Variants in CXCL13 observed in about 807,000 individuals in gnomAD.
CXCL13 encodes C-X-C motif chemokine 13.
A neutral mutation model predicts 12.2 loss-of-function variants in CXCL13; 7 were observed. The observed-to-expected ratio is 0.57, with a 90% CI of 0.33 to 1.07. The LOEUF (loss-of-function observed/expected upper bound fraction) is 1.07, where lower values mean the gene tolerates loss of function less well. CXCL13 is among the 50% of genes least tolerant of loss of function. CXCL13 has a pLI of 0.04. For missense variants in CXCL13, 113 were observed against 127.4 expected (o/e 0.89, Z 0.55); for synonymous variants, 47 against 42.4 (o/e 1.11, Z -0.42).
At chr4:77,585,082 C>A (rs1254204807) in intron 1 of CXCL13, among the ~76,000 whole-genome samples, 1 of 152,146 alleles carries the variant, frequency 6.6e-6, no homozygotes, top group Non-Finnish European at 1.5e-5. Flanking sequence ...TGAAGTAGAG[C>A]TCCAAATCAC....
intron 1 of CXCL13, among the ~76,000 whole-genome samples, chr4:77,514,103 A>G (rs1286720337): frequency 7.9e-5 from 12 of 151,580 alleles, no homozygotes; most frequent in African/African-American, 2.4e-4. Flanking sequence ...ATGATTTCCA[A>G]TTTCATCCAT....
chr4:77,531,255 C>T (rs1268604426), intron 1 of CXCL13, among the ~76,000 whole-genome samples: 3 of 142,858 alleles, frequency 2.1e-5, no homozygotes, highest in African/African-American at 7.7e-5. Context: ...GGTATATCTC[C>T]TAATGCTATC....
chr4:77,529,647 G>C (rs943617531), intron 1 of CXCL13, among the ~76,000 whole-genome samples: 1 of 152,198 alleles, frequency 6.6e-6, no homozygotes, highest in African/African-American at 2.4e-5. Flanking sequence ...CTTTGCTGAA[G>C]TTGCCTATCG....
chr4:77,577,112 A>G (rs2109822163), intron 1 of CXCL13, among the ~76,000 whole-genome samples: 1 of 152,280 alleles, frequency 6.6e-6, no homozygotes, highest in African/African-American at 2.4e-5. Context: ...TATCCTGCAA[A>G]TCTTGCCAGG....
intron 1 of CXCL13, among the ~76,000 whole-genome samples, chr4:77,584,043 T>C (rs948355421): frequency 1.3e-5 from 2 of 152,110 alleles, no homozygotes; most frequent in African/African-American, 4.8e-5. Flanking sequence ...GCCACTGAGA[T>C]TGTTCTCAAA....
intron 1 of CXCL13, among the ~76,000 whole-genome samples, chr4:77,598,447 C>A (rs1317713752): frequency 1.3e-5 from 2 of 152,274 alleles, no homozygotes; most frequent in African/African-American, 2.4e-5. Flanking sequence ...ATAGAACAAC[C>A]AGACTATGCT....
At chr4:77,605,543 CA>C (rs1726981944), upstream of CXCL13, among the ~76,000 whole-genome samples, 1 of 152,158 alleles carries the variant, frequency 6.6e-6, no homozygotes, top group African/African-American at 2.4e-5. Flanking sequence ...CTACTAAAGA[CA>C]GTGCTTTGGA....
intron 1 of CXCL13, among the ~76,000 whole-genome samples, chr4:77,569,482 A>T (rs1388033978): frequency 6.6e-6 from 1 of 152,152 alleles, no homozygotes; most frequent in Non-Finnish European, 1.5e-5. Context: ...CTGTCAAACC[A>T]AAAGCCAAAT....
chr4:77,523,640 T>C (rs1029391324), intron 1 of CXCL13, among the ~76,000 whole-genome samples: 1 of 152,224 alleles, frequency 6.6e-6, no homozygotes, highest in African/African-American at 2.4e-5. Context: ...TCAGCTTCCT[T>C]GTGATGGGTT....
intron 1 of CXCL13, among the ~76,000 whole-genome samples, chr4:77,560,181 C>G (rs1725772714): frequency 2.0e-5 from 3 of 152,082 alleles, no homozygotes; most frequent in African/African-American, 7.2e-5. Flanking sequence ...CATGAATGAT[C>G]TCATTTAATC....
intron 1 of CXCL13, among the ~76,000 whole-genome samples, chr4:77,513,972 C>T (rs935078852): frequency 9.9e-5 from 15 of 152,106 alleles, no homozygotes; most frequent in African/African-American, 3.6e-4. Context: ...CACCCCACAA[C>T]AGTCCCCAGA....
At chr4:77,599,045 G>A (rs189956873) in intron 1 of CXCL13, among the ~76,000 whole-genome samples, 23 of 152,134 alleles carry the variant, frequency 1.5e-4, no homozygotes, top group African/African-American at 5.1e-4. Context: ...CTGACCTCAG[G>A]TGATCCACCT....
At chr4:77,529,055 T>C (rs1190620885) in intron 1 of CXCL13, among the ~76,000 whole-genome samples, 1 of 152,226 alleles carries the variant, frequency 6.6e-6, no homozygotes, top group Non-Finnish European at 1.5e-5. Context: ...TCATTTCTTG[T>C]TTTTGTCAGG....
chr4:77,561,960 C>T (rs554776073), intron 1 of CXCL13, among the ~76,000 whole-genome samples: 2 of 152,242 alleles, frequency 1.3e-5, no homozygotes, highest in South Asian at 4.2e-4. Flanking sequence ...TGGGTGTGGG[C>T]TTGGTGGGCC....
intron 1 of CXCL13, among the ~76,000 whole-genome samples, chr4:77,533,313 T>C (rs1724977751): frequency 6.6e-6 from 1 of 152,218 alleles, no homozygotes; most frequent in South Asian, 2.1e-4. Flanking sequence ...AGACCCTGTT[T>C]GCCTGGGTAT....
At chr4:77,572,714 C>T (rs1341763118) in intron 1 of CXCL13, among the ~76,000 whole-genome samples, 3 of 152,008 alleles carry the variant, frequency 2.0e-5, no homozygotes, top group African/African-American at 7.3e-5. Flanking sequence ...TACCATTTGA[C>T]CCAGCAATTT....
chr4:77,534,860 T>A (rs1307571808), intron 1 of CXCL13, among the ~76,000 whole-genome samples: 2 of 152,216 alleles, frequency 1.3e-5, no homozygotes, highest in Non-Finnish European at 2.9e-5. Flanking sequence ...CTATACACAT[T>A]TGTGGAACCT....
intron 1 of CXCL13, among the ~76,000 whole-genome samples, chr4:77,543,820 C>T (rs113841788): frequency 6.6e-6 from 1 of 152,024 alleles, no homozygotes; most frequent in Non-Finnish European, 1.5e-5. Flanking sequence ...CATATGTATA[C>T]ATGTGCCATG....
intron 1 of CXCL13, among the ~76,000 whole-genome samples, chr4:77,569,611 C>G (rs1408109135): frequency 6.6e-6 from 1 of 152,152 alleles, no homozygotes; most frequent in African/African-American, 2.4e-5. Context: ...AGATACTGCT[C>G]AGAGAAATCA....
Sources: gnomAD v4.1 joint callset for allele counts (sites outside exome capture counted in the v4.1 genomes callset) on GRCh38, gnomAD v4.1.1 for gene constraint, MANE v1.5 for transcripts, NCBI Gene and HGNC (gene_info 2026-07-23, HGNC 2026-07-21) for gene names.